XPO4: variants seen among roughly 807,000 people sequenced by gnomAD.
XPO4 encodes exportin 4, also known as exportin-4.
Under a neutral mutation model 143.0 loss-of-function variants are expected in XPO4, and 39 were observed. That is an observed-to-expected ratio of 0.27 (90% CI 0.21 to 0.36). The LOEUF is 0.36. Ranked by LOEUF, XPO4 falls within the 10% of genes least tolerant of loss-of-function variation. The pLI, the probability that XPO4 is intolerant of heterozygous loss-of-function variation, is 1.00. For synonymous variants in XPO4, 439 were observed against 474.0 expected (o/e 0.93, Z 0.96); for missense variants, 907 against 1,348.0 (o/e 0.67, Z 5.12).
intron 1 of XPO4, among the ~76,000 whole-genome samples, chr13:20,870,560 T>A (rs953853413): frequency 6.6e-6 from 1 of 151,938 alleles, no homozygotes; most frequent in African/African-American, 2.4e-5. Flanking sequence ...TGAAACCCCA[T>A]CTCTACTAAA....
At chr13:20,881,970 CATG>C (rs1408597206) in intron 1 of XPO4, among the ~76,000 whole-genome samples, 4 of 151,664 alleles carry the variant, frequency 2.6e-5, no homozygotes, top group African/African-American at 7.3e-5. Context: ...ATTAACTGGG[CATG>C]GTAGTGTATG....
intron 1 of XPO4, among the ~76,000 whole-genome samples, chr13:20,872,035 A>G (rs181215614): frequency 6.8e-4 from 104 of 152,324 alleles, no homozygotes; most frequent in Non-Finnish European, 1.2e-3. Context: ...TCTACTTGGC[A>G]ATGGTTTCCA....
intron 1 of XPO4, chr13:20,902,383 G>A: frequency 1.0e-6 from 1 of 985,406 alleles, no homozygotes; most frequent in Non-Finnish European, 1.2e-6. Context: ...CAGTCTGTGG[G>A]GCAGGGTGTA....
intron 19 of XPO4, among the ~76,000 whole-genome samples, chr13:20,789,545 C>T (rs1233450419): frequency 6.6e-6 from 1 of 151,826 alleles, no homozygotes; most frequent in Non-Finnish European, 1.5e-5. Context: ...CAGGCGCCCA[C>T]CACCACACCC....
chr13:20,867,251 T>A (rs1297629167), intron 2 of XPO4, among the ~76,000 whole-genome samples: 2 of 152,216 alleles, frequency 1.3e-5, no homozygotes. Flanking sequence ...TAAAAGGTAG[T>A]TGTTGAACCT....
At chr13:20,844,893 C>G (rs982817926) in intron 4 of XPO4, among the ~76,000 whole-genome samples, 1 of 152,142 alleles carries the variant, frequency 6.6e-6, no homozygotes, top group Non-Finnish European at 1.5e-5. Flanking sequence ...AAACATAGGC[C>G]GGACACAGTG....
chr13:20,801,691 C>T (rs1472365683), intron 13 of XPO4, among the ~76,000 whole-genome samples: 1 of 152,120 alleles, frequency 6.6e-6, no homozygotes, highest in Non-Finnish European at 1.5e-5. Context: ...ATATATTTAA[C>T]CTGACTTTAG....
intron 18 of XPO4, 77 bp downstream of exon 18, chr13:20,795,999 C>CT (rs2059353569): frequency 2.8e-6 from 4 of 1,411,846 alleles, no homozygotes; most frequent in Non-Finnish European, 3.8e-6. Flanking sequence ...TGAGATGTCT[C>CT]TTACAGAAAA....
chr13:20,789,548 C>T (rs1201102657), intron 19 of XPO4, among the ~76,000 whole-genome samples: 9 of 151,716 alleles, frequency 5.9e-5, no homozygotes, highest in African/African-American at 2.2e-4. Flanking sequence ...GCGCCCACCA[C>T]CACACCCGGC....
chr13:20,868,827 T>G (rs2060266524), intron 1 of XPO4, 126 bp from the exon 2 acceptor site: 3 of 767,206 alleles, frequency 3.9e-6, no homozygotes, highest in Non-Finnish European at 6.1e-6. Flanking sequence ...AAATTCTTGC[T>G]TAACTTTTTA....
intron 1 of XPO4, among the ~76,000 whole-genome samples, chr13:20,901,235 C>G (rs1376026086): frequency 6.6e-6 from 1 of 152,166 alleles, no homozygotes; most frequent in East Asian, 1.9e-4. Flanking sequence ...CTCACCTACT[C>G]CTTATAGGGG....
chr13:20,831,257 AAAGC>A (rs2059848766), intron 6 of XPO4, among the ~76,000 whole-genome samples: 1 of 152,190 alleles, frequency 6.6e-6, no homozygotes, highest in South Asian at 2.1e-4. Context: ...AAGGTTAAAT[AAAGC>A]AAGATGTTCA....
At chr13:20,805,758 G>A (rs1031953380) in intron 13 of XPO4, among the ~76,000 whole-genome samples, 3 of 152,120 alleles carry the variant, frequency 2.0e-5, no homozygotes, top group Non-Finnish European at 4.4e-5. Flanking sequence ...TATCTGTTTT[G>A]TTCAAATACC....
intron 6 of XPO4, among the ~76,000 whole-genome samples, chr13:20,834,486 T>C (rs2059892223): frequency 6.6e-6 from 1 of 151,574 alleles, no homozygotes; most frequent in African/African-American, 2.4e-5. Flanking sequence ...GTTGAGAGGA[T>C]AGCTTGAGCC....
At chr13:20,822,342 C>A in intron 7 of XPO4, 53 bp from the exon 8 acceptor site, 1 of 1,502,020 alleles carries the variant, frequency 6.7e-7, no homozygotes, top group South Asian at 1.3e-5. Flanking sequence ...TTGTAAGGGT[C>A]ACGTGTCTAC....
rs1233974961 is a variant in XPO4 at position 20,838,582 on chromosome 13, C to T, written c.727+4313G>A. ...CCGAGATCATGCCACTGCACTCCAGCGTGGGCAACACAGCAAGACTCCATC... is the reference window on the plus strand; with the variant it reads ...CCGAGATCATGCCACTGCACTCCAGTGTGGGCAACACAGCAAGACTCCATC... On this transcript the variant is annotated intron_variant, in intron 6 of 22. Coordinates refer to ENST00000255305, the MANE Select transcript of XPO4 (RefSeq NM_022459.5). 6.6e-5 allele frequency among the ~76,000 whole-genome samples: 9 copies of T among 136,642 alleles called. No individual in the cohort carries two copies. The East Asian group carries it at 1.7e-3, about 26-fold the overall frequency. The allele number at this position is 136,642 out of a possible 152,430, so 89.6% of individuals were successfully genotyped here. A position where few individuals can be genotyped will look rare whatever the true frequency, so the allele number is the denominator to read the frequency against.
At chr13:20,902,136 G>T (rs1566636189) in intron 1 of XPO4, 1 of 985,318 alleles carries the variant, frequency 1.0e-6, no homozygotes, top group South Asian at 4.7e-5. Context: ...CCCTCCAGCC[G>T]GCCCGGCCCT....
At chr13:20,826,435 A>C (rs1482596373) in intron 7 of XPO4, among the ~76,000 whole-genome samples, 1 of 152,214 alleles carries the variant, frequency 6.6e-6, no homozygotes, top group Non-Finnish European at 1.5e-5. Flanking sequence ...GAGGAAAAAA[A>C]CTATTTGCAT....
rs9509381 is a variant in XPO4, at chr13:20,803,951, C to T, written c.1818-2961G>A. On this transcript the variant is annotated intron_variant, in intron 13 of 22. Coordinates refer to ENST00000255305, the MANE Select transcript of XPO4 (RefSeq NM_022459.5). This position sits in a 1 kb window ranked among gnomAD's most constrained non-coding sequence, Gnocchi z 4.1. ...ATTAATAAGATTTACTAAACAGACCCAGACTTGGGAGTGTCCAGATATTCT... is the reference window on the plus strand; with the variant it reads ...ATTAATAAGATTTACTAAACAGACCTAGACTTGGGAGTGTCCAGATATTCT... 0.36 allele frequency among the ~76,000 whole-genome samples: 54,457 copies of T among 151,936 alleles called. 12,149 individuals are homozygous for T. Among genetic ancestry groups the T allele is most frequent in the Non-Finnish European group, 0.5 (34,135 of 67,930 alleles).
Sources: allele counts gnomAD v4.1 joint callset (sites outside exome capture counted in the v4.1 genomes callset), GRCh38; gene constraint gnomAD v4.1.1; non-coding constraint Gnocchi (gnomAD v3.1); transcripts MANE v1.5; gene names NCBI Gene and HGNC (gene_info 2026-07-23, HGNC 2026-07-21).